The following SLC12A1 variants were observed in gnomAD, a reference collection of about 807,000 sequenced individuals.
SLC12A1 encodes solute carrier family 12 member 1, also known as Na-K-2Cl cotransporter.
SLC12A1 carries 89 observed loss-of-function variants against 130.4 expected under a neutral mutation model. The observed-to-expected ratio is 0.68, with a 90% CI of 0.58 to 0.81. The LOEUF is 0.81. Among genes scored for constraint, SLC12A1 ranks in the 40% least tolerant of loss-of-function variants. SLC12A1 has a pLI of 0.00. For synonymous variants in SLC12A1, 499 were observed against 460.0 expected, an observed-to-expected ratio of 1.08 and a Z score of -1.09; for missense variants, 1,310 against 1,336.4, an observed-to-expected ratio of 0.98 and a Z score of 0.31.
intron 21 of SLC12A1, among the ~76,000 whole-genome samples, chr15:48,287,729 G>A (rs566119643): frequency 2.6e-5 from 4 of 152,270 alleles, no homozygotes; most frequent in African/African-American, 9.6e-5. Flanking sequence ...ATTGTTGCAT[G>A]CCTAAATAAT....
At chr15:48,218,253 T>C (rs1158333826) in intron 2 of SLC12A1, among the ~76,000 whole-genome samples, 2 of 152,200 alleles carry the variant, frequency 1.3e-5, no homozygotes, top group Non-Finnish European at 2.9e-5. Context: ...ACACAATGAC[T>C]CTTATGACTC....
chr15:48,237,941 G>C (rs1264678369), intron 9 of SLC12A1, among the ~76,000 whole-genome samples: 3 of 152,174 alleles, frequency 2.0e-5, no homozygotes, highest in Admixed American at 2.0e-4. Context: ...ATCTGGACAA[G>C]AGATGGCATG....
chr15:48,293,044 T>C lies in SLC12A1; in HGVS notation c.2960+1180T>C, dbSNP rs972537652. ...CATTCTCCCATCTCAGCCTCCTAGA[T>C]AGCTGGGACCACAAGCACATGCCAC... On this transcript the variant is annotated intron_variant, in intron 24 of 26. Transcript: ENST00000380993. 9.9e-5 allele frequency among the ~76,000 whole-genome samples: 15 copies of C among 152,134 alleles called. No homozygotes were observed. In the South Asian group the frequency reaches 1.2e-3, roughly 13 times the overall value.
At chr15:48,260,343 C>G (rs1014203944) in intron 17 of SLC12A1, among the ~76,000 whole-genome samples, 15 of 79,746 alleles carry the variant, frequency 1.9e-4, no homozygotes, top group Admixed American at 9.2e-4. Context: ...CTCTCTCTCT[C>G]TCTATCACAC....
Position 48,247,367 on chromosome 15 carries a change from C to T in SLC12A1, c.1591C>T (p.Leu531=), listed in dbSNP as rs775106162. ...ALCKDNIYKA[L]QFFAKGYGKN... ...GTGCAAGGACAACATCTACAAAGCC[C>T]TGCAGTTTTTTGCAAAGGGATATGG... The change falls in exon 13 of 27, where the codon CTG becomes TTG. Residue 531 remains leucine, a synonymous_variant. Transcript: ENST00000380993. 8 of 1,613,578 alleles carry T rather than the reference C, an allele frequency of 5.0e-6. No homozygotes were observed. The South Asian group carries it at 8.8e-5, about 18-fold the overall frequency.
At position 48,274,605 on chromosome 15, in the gene SLC12A1, G is replaced by A. The variant is rs1233849177; in HGVS notation, c.2437G>A (p.Val813Ile). ...TGATTTTGAGATTGGCGTGGTTATA[G>A]TCAGAATCAGCCAAGGATTTGACAT... ...AFDFEIGVVI[V>I]RISQGFDISQ... The change falls in exon 20 of 27, where the codon GTC becomes ATC. Residue 813 changes from valine (V) to isoleucine (I), a missense_variant. Transcript: ENST00000380993. The A allele has an allele frequency of 3.1e-6, 5 of 1,613,118 alleles. No individual in the cohort carries two copies. Among genetic ancestry groups the A allele is most frequent in the Non-Finnish European group, 4.2e-6 (5 of 1,179,528 alleles).
At chr15:48,264,874 A>ATATG (rs540781382) in intron 17 of SLC12A1, among the ~76,000 whole-genome samples, 17 of 152,206 alleles carry the variant, frequency 1.1e-4, no homozygotes, top group Non-Finnish European at 2.1e-4. Context: ...TCTCCACACT[A>ATATG]CATAATTAGA....
Position 48,226,542 on chromosome 15 carries a change from C to T in SLC12A1, c.695C>T (p.Ala232Val), listed in dbSNP as rs188295259. The change falls in exon 5 of 27, where the codon GCG (alanine) becomes GTG (valine). Residue 232 changes from alanine to valine, a missense_variant. Transcript: ENST00000380993. ...VTSITGLSTS[A>V]IATNGFVRGG... ...TCTATTACTGGGTTGTCAACTTCTG[C>T]GATAGCAACTAACGGGTTTGTTCGT... 6.5e-4 allele frequency: 1,052 copies of T among 1,609,382 alleles called. 3 individuals carry two copies. In the Admixed American group the frequency reaches 0.013, roughly 20 times the overall value.
At chr15:48,266,496 C>G (rs894982932) in intron 17 of SLC12A1, among the ~76,000 whole-genome samples, 6 of 151,400 alleles carry the variant, frequency 4.0e-5, no homozygotes, top group Admixed American at 2.0e-4. Flanking sequence ...AATCTAAGAC[C>G]CTTTAAGACC....
chr15:48,222,069 T>C (rs2041223219), intron 4 of SLC12A1, among the ~76,000 whole-genome samples: 1 of 152,212 alleles, frequency 6.6e-6, no homozygotes, highest in South Asian at 2.1e-4. Flanking sequence ...GAGGGCTGCT[T>C]GCCGGTTTTA....
intron 4 of SLC12A1, chr15:48,223,312 T>C (rs190611681): frequency 1.1e-4 from 16 of 152,272 alleles, no homozygotes; most frequent in Middle Eastern, 3.4e-3. Flanking sequence ...CCAAATTCAG[T>C]AGGTCTGAGC....
intron 8 of SLC12A1, among the ~76,000 whole-genome samples, chr15:48,234,639 G>A (rs539755405): frequency 3.3e-5 from 5 of 152,174 alleles, no homozygotes; most frequent in Admixed American, 1.3e-4. Context: ...AGCTACTTGC[G>A]GGGGCCGAGG....
intron 24 of SLC12A1, among the ~76,000 whole-genome samples, chr15:48,292,708 A>C (rs1277364465): frequency 6.6e-6 from 1 of 152,136 alleles, no homozygotes; most frequent in Admixed American, 6.5e-5. Flanking sequence ...ATGTCCTCAC[A>C]TGGTGGAAAG....
chr15:48,241,705 C>T, intron 10 of SLC12A1, 106 bp downstream of exon 10: 1 of 793,568 alleles, frequency 1.3e-6, no homozygotes, highest in Non-Finnish European at 2.2e-6. Context: ...TTTTAAAAGG[C>T]AACAATTTTA....
rs1159731549 is a variant in SLC12A1 at position 48,207,786 on chromosome 15, G to A, written c.67G>A (p.Val23Ile). Residue 23 changes from valine to isoleucine, a missense_variant, in exon 2 of 27, where the codon GTT (valine) becomes ATT (isoleucine). Transcript: ENST00000380993. Reference sequence around the variant, plus strand: ...GCCCAGTAATACCAATCGCTTTCAAGTTAGTGTCATAAATGAGAACCATGA... The same window carrying A: ...GCCCAGTAATACCAATCGCTTTCAAATTAGTGTCATAAATGAGAACCATGA... ...SVPSNTNRFQ[V>I]SVINENHESS... is the part of the protein sequence containing the mutation. The A allele has an allele frequency of 2.5e-6, 4 of 1,613,470 alleles. No individual in the cohort carries two copies. Among genetic ancestry groups the A allele is most frequent in the South Asian group, 1.1e-5 (1 of 90,904 alleles).
intron 2 of SLC12A1, among the ~76,000 whole-genome samples, 153 bp from the exon 3 acceptor site, chr15:48,220,481 A>G (rs1057045929): frequency 6.6e-6 from 1 of 152,218 alleles, no homozygotes; most frequent in Non-Finnish European, 1.5e-5. Flanking sequence ...GGCAAAAAAT[A>G]TAAGTTTCAT....
chr15:48,294,558 G>A (rs1415585418), intron 24 of SLC12A1, among the ~76,000 whole-genome samples: 1 of 152,134 alleles, frequency 6.6e-6, no homozygotes, highest in East Asian at 1.9e-4. Context: ...TTAACATTCT[G>A]ATATGAACTG....
At chr15:48,293,710 T>C (rs1443116002) in intron 24 of SLC12A1, among the ~76,000 whole-genome samples, 2 of 152,336 alleles carry the variant, frequency 1.3e-5, no homozygotes, top group East Asian at 3.9e-4. Context: ...AGGTTATTCA[T>C]GATCCTTCCA....
intron 13 of SLC12A1, 54 bp from the exon 14 acceptor site, chr15:48,249,521 C>A: frequency 2.3e-6 from 3 of 1,299,326 alleles, no homozygotes; most frequent in Non-Finnish European, 3.4e-6. Flanking sequence ...AACAGCTGTT[C>A]AGCCCCTGGT....
Sources: gnomAD v4.1 joint callset for allele counts (sites outside exome capture counted in the v4.1 genomes callset) on GRCh38, gnomAD v4.1.1 for gene constraint, MANE v1.5 for transcripts, NCBI Gene and HGNC (gene_info 2026-07-23, HGNC 2026-07-21) for gene names.